NLRP13: variants seen among roughly 807,000 people sequenced by gnomAD.
NLRP13 encodes NLR family pyrin domain containing 13, also known as NACHT, LRR and PYD domains-containing protein 13.
NLRP13 carries 82 observed loss-of-function variants against 94.4 expected under a neutral mutation model. The observed-to-expected ratio is 0.87, with a 90% CI of 0.73 to 1.04. NLRP13 has a LOEUF of 1.04. Among genes scored for constraint, NLRP13 ranks in the 50% least tolerant of loss-of-function variants. The probability of loss-of-function intolerance (pLI) is 0.00; values close to 1 mark genes in which losing one functional copy is unlikely to be tolerated. For synonymous variants in NLRP13, 553 were observed against 464.7 expected (o/e 1.19, Z -2.45); for missense variants, 1,426 against 1,230.8 (o/e 1.16, Z -2.37).
intron 2 of NLRP13, 131 bp downstream of exon 2, chr19:55,924,836 T>G: frequency 2.3e-6 from 2 of 867,170 alleles, no homozygotes; most frequent in South Asian, 3.1e-5. Context: ...CTGAAAGAAT[T>G]AGTTGGAAAG....
intron 2 of NLRP13, 69 bp from the exon 3 acceptor site, chr19:55,924,727 C>G: frequency 7.2e-7 from 1 of 1,397,702 alleles, no homozygotes; most frequent in Non-Finnish European, 1.0e-6. Flanking sequence ...ATAATGGAAG[C>G]CCCCAGTAGA....
chr19:55,892,482 C>G (rs551010398), downstream of NLRP13, among the ~76,000 whole-genome samples: 1 of 152,056 alleles, frequency 6.6e-6, no homozygotes, highest in East Asian at 1.9e-4. Flanking sequence ...AGTGCAGTGG[C>G]GTGATCTCGG....
chr19:55,912,355 T>C lies in NLRP13; in HGVS notation c.1462A>G (p.Ile488Val). Residue 488 changes from isoleucine to valine, a missense_variant, in exon 5 of 11, where the codon ATA becomes GTA. Ile to Val is a conservative substitution (Grantham distance 29). Transcript: ENST00000342929. ...AAGTTCATAGACCACAGCCCTTCTA[T>C]GGCCAGACTGCAGAGGGCCCTCCAT... The part of the protein sequence containing the change: ...GQWRALCSLA[I>V]EGLWSMNFTF... The C allele has an allele frequency of 6.2e-7, 1 of 1,614,120 alleles. No homozygotes were observed.
chr19:55,931,931 G>A, intron 1 of NLRP13, 62 bp downstream of exon 1: 1 of 1,494,430 alleles, frequency 6.7e-7, no homozygotes. Flanking sequence ...AAACCCAGCG[G>A]CTACCTCCTT....
At chr19:55,914,218 T>G (rs1600271070) in intron 4 of NLRP13, among the ~76,000 whole-genome samples, 1 of 151,948 alleles carries the variant, frequency 6.6e-6, no homozygotes, top group East Asian at 1.9e-4. Context: ...GAGGCTGGGG[T>G]GAGGAGTGAT....
In NLRP13 at chr19:55,931,178, G is replaced by T. The variant is rs1250658669; in HGVS notation, c.319+815C>A. ...AGACAGAAAGTGTAGAATGGGCAAG[G>T]CTCGTACTGAGGAAGCGGGTAGATG... On this transcript the variant is annotated intron_variant, in intron 1 of 10. Coordinates refer to ENST00000342929, the MANE Select transcript of NLRP13 (RefSeq NM_176810.2). 2.0e-5 allele frequency among the ~76,000 whole-genome samples: 3 copies of T among 152,020 alleles called. No homozygotes were observed. In the East Asian group the frequency reaches 5.8e-4, roughly 29 times the overall value.
downstream of NLRP13, chr19:55,892,007 C>A: frequency 1.0e-6 from 1 of 966,882 alleles, no homozygotes; most frequent in African/African-American, 1.7e-5. Flanking sequence ...GGGATCACCA[C>A]CACCACTTGT....
intron 10 of NLRP13, 92 bp downstream of exon 10, chr19:55,898,678 T>C: frequency 7.6e-7 from 1 of 1,322,554 alleles, no homozygotes; most frequent in Non-Finnish European, 1.0e-6. Flanking sequence ...TTACTTTGCC[T>C]CACTTTCTAA....
Position 55,902,052 on chromosome 19 carries a change from A to C in NLRP13, c.2772T>G (p.Gly924=). 1 of 1,614,084 alleles carries C rather than the reference A, an allele frequency of 6.2e-7. No individual in the cohort carries two copies. ...AAACTTACTTCAGGCTCTGCAGGTT[A>C]CCATCTGGGCGACCCAAGGCCTCAC... The part of the protein sequence containing the change: ...FLCEALGRPD[G]NLQSLNLSGC... The change falls in exon 9 of 11, where the codon GGT becomes GGG. Residue 924 remains glycine, a synonymous_variant. Coordinates refer to ENST00000342929, the MANE Select transcript of NLRP13 (RefSeq NM_176810.2).
intron 10 of NLRP13, among the ~76,000 whole-genome samples, chr19:55,897,338 G>A (rs1414683906): frequency 6.6e-6 from 1 of 152,098 alleles, no homozygotes; most frequent in African/African-American, 2.4e-5. Flanking sequence ...GGGCAACATG[G>A]TGAAACCTCA....
At chr19:55,926,713 A>G (rs1178256490) in intron 1 of NLRP13, among the ~76,000 whole-genome samples, 1 of 152,156 alleles carries the variant, frequency 6.6e-6, no homozygotes, top group Non-Finnish European at 1.5e-5. Flanking sequence ...GCCCATGCGG[A>G]GGGTGGTGGG....
chr19:55,932,123 G>A lies in NLRP13; in HGVS notation c.189C>T (p.Ala63=), dbSNP rs758086091. The A allele has an allele frequency of 1.5e-5, 25 of 1,613,982 alleles. No homozygotes were observed. The South Asian group carries it at 1.6e-4, about 11-fold the overall frequency. The change falls in exon 1 of 11, where the codon GCC becomes GCT. Residue 63 remains alanine (A), a synonymous_variant. Transcript: ENST00000342929. The part of the protein sequence containing the change: ...PRIPWANLRA[A]DPLNLSFLLD... ...AAAGAAAGGACAGATTCAAAGGGTC[G>A]GCAGCTCTCAAGTTTGCCCAGGGGA...
chr19:55,916,828 G>A (rs1422534877), intron 4 of NLRP13, among the ~76,000 whole-genome samples: 2 of 151,964 alleles, frequency 1.3e-5, no homozygotes, highest in Admixed American at 1.3e-4. Context: ...CCCTACTCTG[G>A]CAAGAGATCC....
chr19:55,894,525 C>T (rs1985946871), downstream of NLRP13, among the ~76,000 whole-genome samples: 2 of 152,158 alleles, frequency 1.3e-5, no homozygotes, highest in South Asian at 4.1e-4. Flanking sequence ...TCTCATGTTC[C>T]CTTCCTGATA....
chr19:55,927,369 G>GA lies in NLRP13; in HGVS notation c.320-2335dup, dbSNP rs35906975. ...GGTGGCAGAGCGAGGCTCCATCTAGGAAAAAAAAAAAAAAAAAGAGTGAAA... is the reference window on the plus strand; with the variant it reads ...GGTGGCAGAGCGAGGCTCCATCTAGGAAAAAAAAAAAAAAAAAAGAGTGAAA... On this transcript the variant is annotated intron_variant, in intron 1 of 10. Transcript: ENST00000342929. Among the ~76,000 whole-genome samples, 406 of 123,936 alleles carry GA rather than the reference G, an allele frequency of 3.3e-3. 1 individual carries two copies. Among genetic ancestry groups the GA allele is most frequent in the East Asian group, 5.3e-3 (23 of 4,322 alleles). 81.3% of individuals were successfully genotyped at this position (123,936 alleles called of 152,430 possible). A position where few individuals can be genotyped will look rare whatever the true frequency, so the allele number is the denominator to read the frequency against.
At chr19:55,925,788 C>A (rs1986952814) in intron 1 of NLRP13, among the ~76,000 whole-genome samples, 1 of 152,152 alleles carries the variant, frequency 6.6e-6, no homozygotes, top group Non-Finnish European at 1.5e-5. Flanking sequence ...TTTACAACTC[C>A]ATTGCTTGTC....
downstream of NLRP13, chr19:55,892,240 A>C (rs1985870712): frequency 3.0e-6 from 2 of 666,030 alleles, no homozygotes; most frequent in African/African-American, 1.9e-5. Flanking sequence ...GTGTGGCATG[A>C]AGTTTGGTGT....
At position 55,906,819 on chromosome 19, in the gene NLRP13, A is replaced by G. The variant is rs375436012; in HGVS notation, c.2447+973T>C. On this transcript the variant is annotated intron_variant, in intron 7 of 10. Coordinates refer to ENST00000342929, the MANE Select transcript of NLRP13 (RefSeq NM_176810.2). ...CTTCCCCATCCCTTTCAGAGGTTGG[A>G]TGGCCCGCATGTCAACGCTACTCAA... Among the ~76,000 whole-genome samples, 13 of 152,156 alleles carry G rather than the reference A, an allele frequency of 8.5e-5. No individual in the cohort carries two copies. In the East Asian group the frequency reaches 1.7e-3, roughly 20 times the overall value.
chr19:55,905,418 C>T (rs11882736), intron 7 of NLRP13, among the ~76,000 whole-genome samples: 5,598 of 149,864 alleles, frequency 0.037, 339 homozygotes, highest in African/African-American at 0.13. Context: ...TATATATACA[C>T]GTATATATAC....
Sources: gnomAD v4.1 joint callset for allele counts (sites outside exome capture counted in the v4.1 genomes callset) on GRCh38, gnomAD v4.1.1 for gene constraint, MANE v1.5 for transcripts, NCBI Gene and HGNC (gene_info 2026-07-23, HGNC 2026-07-21) for gene names.